Variants in PTPRO observed in about 807,000 individuals in gnomAD.
PTPRO encodes the protein protein tyrosine phosphatase receptor type O.
Under a neutral mutation model 145.2 loss-of-function variants are expected in PTPRO, and 62 were observed. The observed-to-expected ratio is 0.43, with a 90% CI of 0.35 to 0.53. PTPRO has a LOEUF of 0.53. Among genes scored for constraint, PTPRO ranks in the 20% least tolerant of loss-of-function variants. The pLI is 0.01. For synonymous variants in PTPRO, 565 were observed against 514.7 expected, an observed-to-expected ratio of 1.10 and a Z score of -1.32; for missense variants, 1,345 against 1,482.7, an observed-to-expected ratio of 0.91 and a Z score of 1.53.
chr12:15,525,014 T>C, intron 11 of PTPRO, 49 bp downstream of exon 11: 1 of 1,595,000 alleles, frequency 6.3e-7, no homozygotes, highest in Non-Finnish European at 8.6e-7. Flanking sequence ...TTTAGTTTTA[T>C]GAACTATTGA....
chr12:15,469,787 A>AAAAAAAAAC, intron 1 of PTPRO, among the ~76,000 whole-genome samples: 1 of 151,396 alleles, frequency 6.6e-6, no homozygotes. Context: ...AAAAAAAAAA[A>AAAAAAAAAC]TACAGCTTCT....
chr12:15,385,968 G>T (rs893239694), intron 1 of PTPRO, among the ~76,000 whole-genome samples: 1 of 152,032 alleles, frequency 6.6e-6, no homozygotes, highest in African/African-American at 2.4e-5. Flanking sequence ...TTGAGATTTT[G>T]TAAATGTAAA....
At chr12:15,553,524 G>A (rs978845306) in intron 15 of PTPRO, among the ~76,000 whole-genome samples, 1 of 152,154 alleles carries the variant, frequency 6.6e-6, no homozygotes, top group Non-Finnish European at 1.5e-5. Flanking sequence ...CGACTGGGAT[G>A]TTCAAAGTGT....
At chr12:15,332,472 T>C (rs1389003146) in intron 1 of PTPRO, among the ~76,000 whole-genome samples, 1 of 152,226 alleles carries the variant, frequency 6.6e-6, no homozygotes, top group Non-Finnish European at 1.5e-5. Context: ...GTACTAATTC[T>C]GGCTTCAGTA....
chr12:15,442,792 GAACTACAA>G (rs1193735397), intron 1 of PTPRO, among the ~76,000 whole-genome samples: 2 of 151,456 alleles, frequency 1.3e-5, no homozygotes, highest in African/African-American at 4.8e-5. Flanking sequence ...AACAAAAGAA[GAACTACAA>G]AACACTGCAA....
chr12:15,355,305 A>G (rs1346200113), intron 1 of PTPRO, among the ~76,000 whole-genome samples: 1 of 152,166 alleles, frequency 6.6e-6, no homozygotes, highest in Non-Finnish European at 1.5e-5. Flanking sequence ...CCTTAGTCCC[A>G]GGTTTGTTTG....
chr12:15,515,552 G>A lies in PTPRO; in HGVS notation c.1519G>A (p.Val507Ile). 2 of 1,613,964 alleles carry A rather than the reference G, an allele frequency of 1.2e-6. No individual in the cohort carries two copies. The highest frequency in any genetic ancestry group is 2.2e-5 in the South Asian group (2 of 91,056). The change falls in exon 8 of 27, where the codon GTT becomes ATT. Residue 507 changes from valine (V) to isoleucine (I), a missense_variant. This residue lies in a region of PTPRO where 1,130 missense variants were observed against 1,214.7 expected (regional missense o/e 0.93). Transcript: ENST00000281171. ...ENLVPGAQYQ[V>I]VIYLRKGPLI... is the part of the protein sequence containing the mutation. Reference sequence around the variant, plus strand: ...TCTGGTTCCTGGTGCCCAGTACCAGGTTGTAATATACCTAAGGAAAGGCCC... The same window carrying A: ...TCTGGTTCCTGGTGCCCAGTACCAGATTGTAATATACCTAAGGAAAGGCCC...
Position 15,580,812 on chromosome 12 carries a change from A to G in PTPRO, c.3113A>G (p.Gln1038Arg). Residue 1038 changes from glutamine (Q) to arginine (R), a missense_variant, in exon 22 of 27, where the codon CAG (glutamine) becomes CGG (arginine). By Grantham distance (43) the Gln-to-Arg change is conservative (BLOSUM62 1). Around this residue, in one of 3 missense-constraint regions of PTPRO, gnomAD observed 208 missense variants for 242.8 expected, o/e 0.86. Transcript: ENST00000281171. ...TCTCAGATTATTGTCATGCTCACTC[A>G]GTGTAATGAGAAAAGGAGGGTACGT... Reference protein sequence around the residue: ...QKSQIIVMLTQCNEKRRVKCD... With the variant: ...QKSQIIVMLTRCNEKRRVKCD... 1.9e-6 allele frequency: 3 copies of G among 1,613,980 alleles called. No individual in the cohort carries two copies. The highest frequency in any genetic ancestry group is 2.5e-6 in the Non-Finnish European group (3 of 1,179,872).
At chr12:15,387,586 C>G (rs1255584931) in intron 1 of PTPRO, among the ~76,000 whole-genome samples, 1 of 152,152 alleles carries the variant, frequency 6.6e-6, no homozygotes, top group Admixed American at 6.6e-5. Context: ...CTCTATGTCC[C>G]CTTAGTACTT....
chr12:15,453,148 G>A (rs1482153603), intron 1 of PTPRO, among the ~76,000 whole-genome samples: 1 of 151,880 alleles, frequency 6.6e-6, no homozygotes, highest in African/African-American at 2.4e-5. Context: ...AGAAAATCTG[G>A]ACCGGCTAAT....
At chr12:15,448,362 C>CAAAAAAAAAAAAAAAAAAAAAA in intron 1 of PTPRO, among the ~76,000 whole-genome samples, 6 of 12,738 alleles carry the variant, frequency 4.7e-4, no homozygotes, top group Non-Finnish European at 2.0e-3. Context: ...AAAAAAAAAG[C>CAAAAAAAAAAAAAAAAAAAAAA]ACCGATTGAG....
intron 6 of PTPRO, among the ~76,000 whole-genome samples, chr12:15,505,952 C>CT (rs1256546574): frequency 6.6e-6 from 1 of 152,120 alleles, no homozygotes; most frequent in Admixed American, 6.5e-5. Context: ...GAAGAAAACA[C>CT]TTTTATTACC....
intron 1 of PTPRO, among the ~76,000 whole-genome samples, chr12:15,401,754 T>G (rs1939500168): frequency 6.6e-6 from 1 of 152,232 alleles, no homozygotes; most frequent in African/African-American, 2.4e-5. Context: ...TCTACAGAGT[T>G]GATTAAAAAG....
At chr12:15,513,209 GAAAGAAAGAA>G (rs1565675921) in intron 7 of PTPRO, among the ~76,000 whole-genome samples, 8 of 118,756 alleles carry the variant, frequency 6.7e-5, no homozygotes. Context: ...AAGAAAGAAA[GAAAGAAAGAA>G]AGAAAGAAAA....
intron 12 of PTPRO, among the ~76,000 whole-genome samples, chr12:15,543,483 A>C (rs1943219040): frequency 6.6e-6 from 1 of 152,192 alleles, no homozygotes; most frequent in Non-Finnish European, 1.5e-5. Flanking sequence ...CTACATAAAA[A>C]CAGAAGAGAA....
chr12:15,439,822 C>G, intron 1 of PTPRO: 1 of 613,448 alleles, frequency 1.6e-6, no homozygotes, highest in Non-Finnish European at 3.0e-6. Flanking sequence ...TCTTGGGGGC[C>G]TCTCTCAAGA....
chr12:15,586,850 C>G, intron 23 of PTPRO, 47 bp from the exon 24 acceptor site: 2 of 1,610,364 alleles, frequency 1.2e-6, no homozygotes, highest in Non-Finnish European at 1.7e-6. Flanking sequence ...GTCATCCTAA[C>G]AGTGAACTGA....
intron 1 of PTPRO, chr12:15,439,674 C>T: frequency 2.3e-6 from 1 of 436,766 alleles, no homozygotes; most frequent in Non-Finnish European, 4.5e-6. Flanking sequence ...GGCCACGGAG[C>T]TCACTGAGGC....
At chr12:15,511,127 T>C (rs2136488801) in intron 7 of PTPRO, among the ~76,000 whole-genome samples, 1 of 152,306 alleles carries the variant, frequency 6.6e-6, no homozygotes, top group South Asian at 2.1e-4. Context: ...TGGAGGGACA[T>C]TGGACTCAAC....
Sources: allele counts gnomAD v4.1 joint callset (sites outside exome capture counted in the v4.1 genomes callset), GRCh38; gene constraint gnomAD v4.1.1; regional missense constraint gnomAD v4.1.1; transcripts MANE v1.5; gene names NCBI Gene and HGNC (gene_info 2026-07-23, HGNC 2026-07-21).